CD1A: variants seen among roughly 807,000 people sequenced by gnomAD.
CD1A encodes CD1a molecule.
A neutral mutation model predicts 38.3 loss-of-function variants in CD1A; 50 were observed. That is an observed-to-expected ratio of 1.30 (90% confidence interval 1.04 to 1.65). The LOEUF (loss-of-function observed/expected upper bound fraction) is 1.65, where lower values mean the gene tolerates loss of function less well. Among genes scored for constraint, CD1A ranks in the 40% most tolerant of loss-of-function variants. The pLI, the probability that CD1A is intolerant of heterozygous loss-of-function variation, is 0.00. For synonymous variants in CD1A, 160 were observed against 150.8 expected, an observed-to-expected ratio of 1.06 and a Z score of -0.45; for missense variants, 459 against 406.1, an observed-to-expected ratio of 1.13 and a Z score of -1.12.
Position 158,257,739 on chromosome 1 carries a change from C to A in CD1A, c.*49C>A, listed in dbSNP as rs761680677. 6 of 1,577,432 alleles carry A rather than the reference C, an allele frequency of 3.8e-6. No homozygotes were observed. In the African/African-American group the frequency reaches 5.4e-5, roughly 14 times the overall value. ...ACCCTTCTCCTTTTGGGGTGAGAGA[C>A]CAGCAGCCCAAGGGCTCCAGACACA... On this transcript the variant is annotated 3_prime_UTR_variant, in exon 6 of 6. Coordinates refer to ENST00000289429, the MANE Select transcript of CD1A (RefSeq NM_001763.3).
In CD1A at chr1:158,257,571, T is replaced by G. The variant is rs1418368204; in HGVS notation, c.974+60T>G. 6 of 1,577,550 alleles carry G rather than the reference T, an allele frequency of 3.8e-6. No homozygotes were observed. The African/African-American group carries it at 6.8e-5, about 18-fold the overall frequency. On this transcript the variant is annotated intron_variant, in intron 5 of 5. Coordinates refer to ENST00000289429, the MANE Select transcript of CD1A (RefSeq NM_001763.3). Reference sequence around the variant, plus strand: ...CCTCTACCCCACTTTTCTTCCCATGTTTTTTGTTTTTCTCTCCTCAGTTCT... The same window carrying G: ...CCTCTACCCCACTTTTCTTCCCATGGTTTTTGTTTTTCTCTCCTCAGTTCT...
upstream of CD1A, among the ~76,000 whole-genome samples, chr1:158,253,338 G>T (rs1194833647): frequency 6.6e-6 from 1 of 152,128 alleles, no homozygotes; most frequent in African/African-American, 2.4e-5. Context: ...GGGATCCTGG[G>T]ATAAAGACTT....
chr1:158,255,085 G>A lies in CD1A; in HGVS notation c.60G>A (p.Gly20=), dbSNP rs776321553. The change falls in exon 2 of 6, where the codon GGG becomes GGA. Residue 20 remains glycine (G), a splice_region_variant and synonymous_variant. Coordinates refer to ENST00000289429, the MANE Select transcript of CD1A (RefSeq NM_001763.3). ...ATTCTATCTGTTCTTTTGTCGCAGGGCTCAAGGAGCCTCTCTCCTTCCATG... is the reference window on the plus strand; with the variant it reads ...ATTCTATCTGTTCTTTTGTCGCAGGACTCAAGGAGCCTCTCTCCTTCCATG... The part of the protein sequence containing the change: ...AVLPGDGNAD[G]LKEPLSFHVT... 6.2e-7 allele frequency: 1 copy of A among 1,613,478 alleles called. No homozygotes were observed. The highest frequency in any genetic ancestry group is 2.2e-5 in the East Asian group (1 of 44,850).
At chr1:158,255,568 A>C (rs1650231464) in intron 2 of CD1A, among the ~76,000 whole-genome samples, 1 of 152,200 alleles carries the variant, frequency 6.6e-6, no homozygotes, top group South Asian at 2.1e-4. Flanking sequence ...CATTGATTGC[A>C]GGGTTGTGCA....
At position 158,256,985 on chromosome 1, in the gene CD1A, G is replaced by C. The variant is rs1028337498; in HGVS notation, c.804G>C (p.Val268=). 1.2e-6 allele frequency: 2 copies of C among 1,614,068 alleles called. No individual in the cohort carries two copies. The highest frequency in any genetic ancestry group is 3.3e-5 in the Admixed American group (2 of 60,006). The change falls in exon 4 of 6, where the codon GTG becomes GTC. Residue 268 remains valine, a synonymous_variant. Transcript: ENST00000289429. ...GGTATCTCCGCGCAACCCTGGAGGT[G>C]GCCGCTGGGGAGGCAGCTGACCTGT... ...GTWYLRATLE[V]AAGEAADLSC... is the part of the protein sequence containing the mutation.
Position 158,257,416 on chromosome 1 carries a change from C to A in CD1A, c.884-5C>A. 1 of 1,610,084 alleles carries A rather than the reference C, an allele frequency of 6.2e-7. No homozygotes were observed. The highest frequency in any genetic ancestry group is 1.1e-5 in the South Asian group (1 of 91,000). ...AACATCCTTGGTGTCTCCCCAAATT[C>A]ACAGAGCATCACAGTTCCGTGGGCT... On this transcript the variant is annotated splice_polypyrimidine_tract_variant and splice_region_variant and intron_variant, in intron 4 of 5. Coordinates refer to ENST00000289429, the MANE Select transcript of CD1A (RefSeq NM_001763.3).
At chr1:158,255,469 C>A in intron 2 of CD1A, 119 bp downstream of exon 2, 8 of 1,088,702 alleles carry the variant, frequency 7.3e-6, no homozygotes, top group Non-Finnish European at 1.0e-5. Flanking sequence ...TTCTTTCCAC[C>A]ATAAAACTGC....
At chr1:158,254,049 T>TTTTTTTTTTG (rs1650157976), upstream of CD1A, 1 of 99,478 alleles carries the variant, frequency 1.0e-5, no homozygotes, top group Non-Finnish European at 2.2e-5. Context: ...TTTTTTTTTT[T>TTTTTTTTTTG]TTTTTTTTTT....
chr1:158,254,333 T>C, upstream of CD1A: 1 of 1,173,746 alleles, frequency 8.5e-7, no homozygotes, highest in Non-Finnish European at 1.1e-6. Flanking sequence ...TCTTATTGTA[T>C]GATTGAGAAA....
rs1210780107 is a variant in CD1A at position 158,256,961 on chromosome 1, G to A, written c.780G>A (p.Trp260Ter). The A allele has an allele frequency of 6.2e-7, 1 of 1,614,180 alleles. No individual in the cohort carries two copies. Among genetic ancestry groups the A allele is most frequent in the Non-Finnish European group, 8.5e-7 (1 of 1,180,030 alleles). Residue 260 changes from tryptophan to a stop codon, truncating the protein, a stop_gained, in exon 4 of 6, where the codon TGG (tryptophan) becomes TGA (stop). Coordinates refer to ENST00000289429, the MANE Select transcript of CD1A (RefSeq NM_001763.3). LOFTEE classifies it high-confidence loss of function. ...TCTTGCCCAGTGCTGATGGGACATGGTATCTCCGCGCAACCCTGGAGGTGG... is the reference window on the plus strand; with the variant it reads ...TCTTGCCCAGTGCTGATGGGACATGATATCTCCGCGCAACCCTGGAGGTGG... ...GDILPSADGT[W>*]YLRATLEVAA...
At chr1:158,252,940 A>G (rs1650124868), upstream of CD1A, among the ~76,000 whole-genome samples, 1 of 151,392 alleles carries the variant, frequency 6.6e-6, no homozygotes, top group South Asian at 2.1e-4. Context: ...AAATAAAAAA[A>G]TTATTTGCAG....
chr1:158,253,254 G>T (rs1650134562), upstream of CD1A, among the ~76,000 whole-genome samples: 1 of 152,092 alleles, frequency 6.6e-6, no homozygotes, highest in African/African-American at 2.4e-5. Flanking sequence ...CGTAAAAGAG[G>T]AATGTAAATG....
chr1:158,254,030 G>GTTTTTTTTTTTTTTTTTTT (rs1398850181), upstream of CD1A: 1 of 45,796 alleles, frequency 2.2e-5, no homozygotes, highest in Non-Finnish European at 3.8e-5. Context: ...GTGTTCCTGT[G>GTTTTTTTTTTTTTTTTTTT]GTTTTTTTTT....
At position 158,254,704 on chromosome 1, in the gene CD1A, T is replaced by G. The variant is rs1302498807; in HGVS notation, c.35T>G (p.Leu12Arg). The change falls in exon 1 of 6, where the codon CTC becomes CGC. Residue 12 changes from leucine to arginine, a missense_variant. Coordinates refer to ENST00000289429, the MANE Select transcript of CD1A (RefSeq NM_001763.3). ...TTGCTACTTCCATTGTTAGCTGTTCTCCCAGGTGATGGCAATGCAGACGGT... is the reference window on the plus strand; with the variant it reads ...TTGCTACTTCCATTGTTAGCTGTTCGCCCAGGTGATGGCAATGCAGACGGT... ...LFLLLPLLAV[L>R]PGDGNADGLK... The G allele has an allele frequency of 3.7e-6, 6 of 1,613,782 alleles. No homozygotes were observed. Among genetic ancestry groups the G allele is most frequent in the Non-Finnish European group, 5.1e-6 (6 of 1,179,858 alleles).
At chr1:158,253,792 T>C (rs1650147344), upstream of CD1A, among the ~76,000 whole-genome samples, 1 of 151,988 alleles carries the variant, frequency 6.6e-6, no homozygotes, top group African/African-American at 2.4e-5. Flanking sequence ...ATCCAGAGAG[T>C]GTATACAGTA....
chr1:158,258,020 C>T lies in CD1A; in HGVS notation c.*330C>T, dbSNP rs1367618497. ...TTAGATATCCCTTACTCCAGAGGGC[C>T]TTCCCTGACTTACAAGTGGGAAGCA... On this transcript the variant is annotated 3_prime_UTR_variant, in exon 6 of 6. Coordinates refer to ENST00000289429, the MANE Select transcript of CD1A (RefSeq NM_001763.3). 6 of 244,468 alleles carry T rather than the reference C, an allele frequency of 2.5e-5. No homozygotes were observed. The Admixed American group carries it at 3.0e-4, about 12-fold the overall frequency. The allele number at this position is 244,468 out of a possible 1,614,324, so 15.1% of individuals were successfully genotyped here. A position where few individuals can be genotyped will look rare whatever the true frequency, so the allele number is the denominator to read the frequency against.
chr1:158,256,162 T>C lies in CD1A; in HGVS notation c.484T>C (p.Cys162Arg). Residue 162 changes from cysteine (C) to arginine (R), a missense_variant, in exon 3 of 6, where the codon TGC (cysteine) becomes CGC (arginine). Coordinates refer to ENST00000289429, the MANE Select transcript of CD1A (RefSeq NM_001763.3). The stretch of plus-strand genomic sequence containing the variant: ...GGCTGGGAATATGGCCAAGCATTTC[T>C]GCAAAGTGCTCAATCAGAATCAGCA... ...PVAGNMAKHF[C>R]KVLNQNQHEN... is the part of the protein sequence containing the mutation. The C allele has an allele frequency of 2.5e-6, 4 of 1,614,224 alleles. No homozygotes were observed. The South Asian group carries it at 3.3e-5, about 13-fold the overall frequency.
In CD1A at chr1:158,256,930, G is replaced by A. The variant is rs1310492834; in HGVS notation, c.749G>A (p.Gly250Glu). Residue 250 changes from glycine to glutamate, a missense_variant, in exon 4 of 6, where the codon GGG (glycine) becomes GAG (glutamate). Transcript: ENST00000289429. ...CAGGAGCAGCAGGGCACTCAGCGAG[G>A]GGACATCTTGCCCAGTGCTGATGGG... ...GEQEQQGTQRGDILPSADGTW... is the reference protein window; with the variant it reads ...GEQEQQGTQREDILPSADGTW... 1.4e-5 allele frequency: 22 copies of A among 1,614,098 alleles called. No homozygotes were observed. The highest frequency in any genetic ancestry group is 1.7e-5 in the Non-Finnish European group (20 of 1,180,060).
chr1:158,253,501 T>C (rs189271840), upstream of CD1A, among the ~76,000 whole-genome samples: 9 of 152,336 alleles, frequency 5.9e-5, no homozygotes, highest in East Asian at 1.5e-3. Flanking sequence ...TCTCACTACA[T>C]AGGGTTACAA....
Sources: allele counts gnomAD v4.1 joint callset (sites outside exome capture counted in the v4.1 genomes callset), GRCh38; gene constraint gnomAD v4.1.1; transcripts MANE v1.5; gene names NCBI Gene and HGNC (gene_info 2026-07-23, HGNC 2026-07-21).